The following MYOM3 variants were observed in gnomAD, a reference collection of about 807,000 sequenced individuals.
MYOM3 encodes the protein myomesin 3, also known as myomesin-3.
A neutral mutation model predicts 191.7 loss-of-function variants in MYOM3; 155 were observed. The observed-to-expected ratio is 0.81, with a 90% CI of 0.71 to 0.92. The LOEUF (loss-of-function observed/expected upper bound fraction) is 0.92, where lower values mean the gene tolerates loss of function less well. MYOM3 is among the 40% of genes least tolerant of loss of function. The probability of loss-of-function intolerance (pLI) is 0.00; values close to 1 mark genes in which losing one functional copy is unlikely to be tolerated. For missense variants in MYOM3, 1,889 were observed against 1,890.6 expected, an observed-to-expected ratio of 1.00 and a Z score of 0.02; for synonymous variants, 757 against 762.9, an observed-to-expected ratio of 0.99 and a Z score of 0.13.
Position 24,084,544 on chromosome 1 carries a change from C to G in MYOM3, c.1894G>C (p.Gly632Arg). 6.2e-7 allele frequency: 1 copy of G among 1,614,092 alleles called. No homozygotes were observed. The change falls in exon 16 of 37, where the codon GGT (glycine) becomes CGT (arginine). Residue 632 changes from glycine (G) to arginine (R), a missense_variant. Physicochemically the swap from Gly to Arg is moderately radical, Grantham distance 125. Transcript: ENST00000374434. ...WDPVKDPELL[G>R]YYIYSRKVGT... ...ACCTTCCGGGAGTAGATGTAATAAC[C>G]CAGGAGCTCTGGGTCTTTCACAGGA...
chr1:24,094,887 C>T lies in MYOM3; in HGVS notation c.894G>A (p.Val298=). 1.2e-6 allele frequency: 2 copies of T among 1,614,054 alleles called. No homozygotes were observed. Residue 298 remains valine, a synonymous_variant, in exon 9 of 37, where the codon GTG becomes GTA. Coordinates refer to ENST00000374434, the MANE Select transcript of MYOM3 (RefSeq NM_152372.4). Reference sequence around the variant, plus strand: ...ACCACTGGATGCTCTCAGCATCTAACACATCTTCCGAAAACAAGCATGACA... The same window carrying T: ...ACCACTGGATGCTCTCAGCATCTAATACATCTTCCGAAAACAAGCATGACA... ...FSLSCLFSED[V]LDAESIQWFR...
Position 24,075,406 on chromosome 1 carries a change from G to T in MYOM3, c.2771C>A (p.Ala924Asp), listed in dbSNP as rs1345378767. The change falls in exon 22 of 37, where the codon GCC (alanine) becomes GAC (aspartate). Residue 924 changes from alanine to aspartate, a missense_variant. Coordinates refer to ENST00000374434, the MANE Select transcript of MYOM3 (RefSeq NM_152372.4). ...FIYLAFEAPE[A>D]PDSSEFQWSK... The stretch of plus-strand genomic sequence containing the variant: ...CCACTGAAACTCTGAGGAGTCGGGG[G>T]CTTCAGGGGCTTCAAAAGCCAAATA... The T allele has an allele frequency of 6.2e-7, 1 of 1,610,104 alleles. No individual in the cohort carries two copies. Among genetic ancestry groups the T allele is most frequent in the Non-Finnish European group, 8.5e-7 (1 of 1,178,918 alleles).
chr1:24,087,715 C>T lies in MYOM3; in HGVS notation c.1615-888G>A, dbSNP rs777534729. Among the ~76,000 whole-genome samples, 4 of 152,208 alleles carry T rather than the reference C, an allele frequency of 2.6e-5. No homozygotes were observed. Among genetic ancestry groups the T allele is most frequent in the African/African-American group, 4.8e-5 (2 of 41,440 alleles). On this transcript the variant is annotated intron_variant, in intron 14 of 36. Transcript: ENST00000374434. This position sits in a 1 kb window ranked among gnomAD's most constrained non-coding sequence, Gnocchi z 4.5. ...CTCTCCCCACACTTCAAGTTCCCCT[C>T]CCTGCTCAATGTCTTTCTCCTTAGC...
chr1:24,107,290 TG>T, intron 3 of MYOM3, 58 bp from the exon 4 acceptor site: 1 of 1,448,710 alleles, frequency 6.9e-7, no homozygotes, highest in Non-Finnish European at 9.3e-7. Flanking sequence ...TGGGGCATCC[TG>T]GCCAGTTCCA....
At chr1:24,098,954 T>C (rs1643893062) in intron 6 of MYOM3, among the ~76,000 whole-genome samples, 1 of 152,136 alleles carries the variant, frequency 6.6e-6, no homozygotes, top group Admixed American at 6.5e-5. Flanking sequence ...GCCTGTTTCA[T>C]CACCTGCGAC....
At chr1:24,067,565 G>T (rs1485081466) in intron 27 of MYOM3, among the ~76,000 whole-genome samples, 1 of 151,442 alleles carries the variant, frequency 6.6e-6, no homozygotes, top group East Asian at 1.9e-4. Flanking sequence ...TGGTTTCAAG[G>T]ATTCTTGTGG....
At chr1:24,103,422 G>T (rs1489315441) in intron 5 of MYOM3, among the ~76,000 whole-genome samples, 5 of 152,246 alleles carry the variant, frequency 3.3e-5, no homozygotes, top group Non-Finnish European at 7.3e-5. Context: ...TGGCCTGAGT[G>T]ATTTCTATTT....
intron 11 of MYOM3, among the ~76,000 whole-genome samples, chr1:24,091,604 T>C (rs1367633756): frequency 6.6e-6 from 1 of 152,148 alleles, no homozygotes; most frequent in Non-Finnish European, 1.5e-5. Context: ...CATACTTTGG[T>C]TTCCCCATCT....
intron 29 of MYOM3, 73 bp downstream of exon 29, chr1:24,065,818 G>T: frequency 8.5e-7 from 1 of 1,179,724 alleles, no homozygotes; most frequent in East Asian, 2.3e-5. Flanking sequence ...CTGACTCCCA[G>T]CCCAGAGCTC....
At position 24,098,716 on chromosome 1, in the gene MYOM3, G is replaced by A. The variant is rs555742966; in HGVS notation, c.657-705C>T. On this transcript the variant is annotated intron_variant, in intron 6 of 36. Transcript: ENST00000374434. ...GCCCCGGAGGTCCCCCTGGGCCTGC[G>A]CACCTTCCTTGACTGTGGAGTCCAT... 7.0e-4 allele frequency among the ~76,000 whole-genome samples: 107 copies of A among 152,288 alleles called. 1 individual carries two copies. The highest frequency in any genetic ancestry group is 2.6e-3 in the African/African-American group (107 of 41,546).
At chr1:24,107,027 G>A (rs939883684) in intron 4 of MYOM3, 46 bp downstream of exon 4, 6 of 1,539,472 alleles carry the variant, frequency 3.9e-6, no homozygotes, top group Admixed American at 1.9e-5. Context: ...AGCAAGTGGT[G>A]CGTCGCAGGT....
At chr1:24,068,510 T>G in intron 25 of MYOM3, 143 bp from the exon 26 acceptor site, 1 of 918,612 alleles carries the variant, frequency 1.1e-6, no homozygotes. Flanking sequence ...GGTAACCCTC[T>G]GCTGCTCCCC....
chr1:24,066,933 C>T, intron 28 of MYOM3, 88 bp downstream of exon 28: 2 of 1,224,026 alleles, frequency 1.6e-6, no homozygotes, highest in South Asian at 1.4e-5. Context: ...ATTTAGGGGG[C>T]CGGGTGGGCA....
chr1:24,082,503 A>C (rs931080468), intron 17 of MYOM3, 90 bp downstream of exon 17: 22 of 1,458,290 alleles, frequency 1.5e-5, no homozygotes, highest in Admixed American at 1.0e-4. Flanking sequence ...ACTGGCCACC[A>C]GGACTGGGCC....
chr1:24,058,836 A>G (rs1159073682), intron 36 of MYOM3, 88 bp downstream of exon 36: 4 of 990,790 alleles, frequency 4.0e-6, no homozygotes, highest in East Asian at 5.0e-5. Flanking sequence ...CTTTGAATCC[A>G]TGGTGCTGCA....
At chr1:24,072,668 G>A (rs1022024559) in intron 23 of MYOM3, among the ~76,000 whole-genome samples, 2 of 152,082 alleles carry the variant, frequency 1.3e-5, no homozygotes. Flanking sequence ...CCAAGTAGCT[G>A]GGATTACAAG....
Position 24,071,967 on chromosome 1 carries a change from A to G in MYOM3, c.3013+2T>C. The stretch of plus-strand genomic sequence containing the variant: ...GGCTGGTAGCTTGGACTGCTTGCTT[A>G]CCTGGGTTTCTGATCTCATGACTCA... On this transcript the variant is annotated splice_donor_variant, in intron 24 of 36. Coordinates refer to ENST00000374434, the MANE Select transcript of MYOM3 (RefSeq NM_152372.4). LOFTEE classifies it high-confidence loss of function. The G allele has an allele frequency of 1.2e-6, 2 of 1,613,928 alleles. No individual in the cohort carries two copies. Among genetic ancestry groups the G allele is most frequent in the Non-Finnish European group, 1.7e-6 (2 of 1,179,932 alleles).
At chr1:24,107,257 C>A (rs1222375318) in intron 3 of MYOM3, 25 bp from the exon 4 acceptor site, 7 of 1,575,344 alleles carry the variant, frequency 4.4e-6, no homozygotes, top group Non-Finnish European at 6.0e-6. Flanking sequence ...GCCATCGGGG[C>A]TCAGGCAGGG....
chr1:24,086,149 T>C (rs1483749227), intron 15 of MYOM3, among the ~76,000 whole-genome samples: 1 of 152,000 alleles, frequency 6.6e-6, no homozygotes, highest in Non-Finnish European at 1.5e-5. Flanking sequence ...TTTAGAACAA[T>C]GGGTTTGCCA....
Sources: gnomAD v4.1 joint callset for allele counts (sites outside exome capture counted in the v4.1 genomes callset) on GRCh38, gnomAD v4.1.1 for gene constraint, Gnocchi (gnomAD v3.1) non-coding constraint, MANE v1.5 for transcripts, NCBI Gene and HGNC (gene_info 2026-07-23, HGNC 2026-07-21) for gene names.